Variants in SLC2A9 observed in about 807,000 individuals in gnomAD.
SLC2A9 encodes the protein solute carrier family 2, facilitated glucose transporter member 9.
In SLC2A9, 39 loss-of-function variants were observed where a neutral mutation model predicts 50.6. That is an observed-to-expected ratio of 0.77 (90% CI 0.60 to 1.01). SLC2A9 has a LOEUF of 1.01. Among genes scored for constraint, SLC2A9 ranks in the 50% least tolerant of loss-of-function variants. The pLI, the probability that SLC2A9 is intolerant of heterozygous loss-of-function variation, is 0.00. For synonymous variants in SLC2A9, 324 were observed against 276.9 expected (o/e 1.17, Z -1.69); for missense variants, 686 against 677.6 (o/e 1.01, Z -0.14).
chr4:9,783,321 AG>A, intron 3 of SLC2A9: 1 of 1,614,188 alleles, frequency 6.2e-7, no homozygotes, highest in Non-Finnish European at 8.5e-7. Flanking sequence ...GACGAGGAGG[AG>A]GGTCCTTTCG....
intron 2 of SLC2A9, among the ~76,000 whole-genome samples, chr4:10,008,589 A>T (rs886939656): frequency 6.6e-6 from 1 of 152,248 alleles, no homozygotes; most frequent in African/African-American, 2.4e-5. Flanking sequence ...GGTGCTTACA[A>T]ATAAATAGTA....
exon 2 of SLC2A9, chr4:9,771,303 T>A (rs868033408): frequency 1.0e-5 from 4 of 389,060 alleles, no homozygotes; most frequent in East Asian, 7.3e-5. Flanking sequence ...GGGAGTTTCC[T>A]TCACCTGGTG....
chr4:9,784,312 A>G (rs1718928010), intron 3 of SLC2A9, among the ~76,000 whole-genome samples: 1 of 152,186 alleles, frequency 6.6e-6, no homozygotes, highest in Admixed American at 6.5e-5. Flanking sequence ...TCTTTTTTGA[A>G]GTAACATAAG....
chr4:10,020,471 G>A lies in SLC2A9; in HGVS notation c.150+809C>T, dbSNP rs1763370416. ...TGCTGATCACATGCGGGGGCAAGAG[G>A]GAACATTTATAAGCCTTGGGGATGG... On this transcript the variant is annotated intron_variant, in intron 1 of 11. Coordinates refer to ENST00000264784, the MANE Select transcript of SLC2A9 (RefSeq NM_020041.3). Among the ~76,000 whole-genome samples, 5 of 152,148 alleles carry A rather than the reference G, an allele frequency of 3.3e-5. No individual in the cohort carries two copies. In the South Asian group the frequency reaches 8.3e-4, roughly 25 times the overall value.
At chr4:9,977,226 C>G (rs1754949817) in intron 5 of SLC2A9, among the ~76,000 whole-genome samples, 1 of 152,210 alleles carries the variant, frequency 6.6e-6, no homozygotes, top group Non-Finnish European at 1.5e-5. Context: ...CAGTCCCCAT[C>G]AAGGTGTGTG....
Position 9,897,371 on chromosome 4 carries a change from T to C in SLC2A9, c.1114-6660A>G, listed in dbSNP as rs78716626. On this transcript the variant is annotated intron_variant, in intron 8 of 11. Coordinates refer to ENST00000264784, the MANE Select transcript of SLC2A9 (RefSeq NM_020041.3). Reference sequence around the variant, plus strand: ...CCCTTGGGGAGCTTTATGGGCTGAATTGCATTCTCTCAAAAAAGGAAATAT... The same window carrying C: ...CCCTTGGGGAGCTTTATGGGCTGAACTGCATTCTCTCAAAAAAGGAAATAT... Among the ~76,000 whole-genome samples the C allele has an allele frequency of 8.2e-3, 1,252 of 152,250 alleles. 15 individuals carry two copies. The highest frequency in any genetic ancestry group is 0.029 in the African/African-American group (1,208 of 41,534).
chr4:9,898,718 G>C (rs576333810), intron 8 of SLC2A9, among the ~76,000 whole-genome samples: 1 of 152,314 alleles, frequency 6.6e-6, no homozygotes, highest in African/African-American at 2.4e-5. Context: ...TCTGTGGGCC[G>C]TGTGGACTGA....
intron 5 of SLC2A9, among the ~76,000 whole-genome samples, chr4:9,968,175 C>T (rs899937034): frequency 6.6e-6 from 1 of 152,054 alleles, no homozygotes; most frequent in Non-Finnish European, 1.5e-5. Flanking sequence ...TTTAATTTAA[C>T]TAGTTTTTAG....
chr4:9,832,271 G>C lies in SLC2A9; in HGVS notation c.1419+2610C>G, dbSNP rs372599428. 7.9e-5 allele frequency among the ~76,000 whole-genome samples: 12 copies of C among 152,214 alleles called. No homozygotes were observed. In the East Asian group the frequency reaches 2.1e-3, roughly 27 times the overall value. On this transcript the variant is annotated intron_variant, in intron 11 of 11. Transcript: ENST00000264784. ...GGCTGGGGTTGGGGGATGTGACTCAGAACTTGTTAGCCCTGTATTTCTCTA... is the reference window on the plus strand; with the variant it reads ...GGCTGGGGTTGGGGGATGTGACTCACAACTTGTTAGCCCTGTATTTCTCTA...
downstream of SLC2A9, among the ~76,000 whole-genome samples, chr4:9,795,965 CAGGTTGT>C (rs1421372716): frequency 1.3e-5 from 2 of 152,164 alleles, no homozygotes; most frequent in Non-Finnish European, 2.9e-5. Context: ...CCAACAAATC[CAGGTTGT>C]AGGTACAAGT....
intron 7 of SLC2A9, among the ~76,000 whole-genome samples, chr4:9,912,302 AAAAAG>A (rs1158393948): frequency 1.3e-5 from 2 of 152,184 alleles, no homozygotes; most frequent in Non-Finnish European, 2.9e-5. Flanking sequence ...ATAATAAAAA[AAAAAG>A]AAAAGAAGAG....
chr4:9,872,180 G>A (rs964444162), intron 10 of SLC2A9, among the ~76,000 whole-genome samples: 2 of 152,154 alleles, frequency 1.3e-5, no homozygotes, highest in African/African-American at 4.8e-5. Context: ...ACTGAGGCCA[G>A]AGAGGGACAG....
chr4:9,815,769 A>G (rs1048733026), intron 3 of SLC2A9, among the ~76,000 whole-genome samples: 2 of 152,236 alleles, frequency 1.3e-5, no homozygotes, highest in Admixed American at 6.5e-5. Flanking sequence ...GTCCTTCAAA[A>G]TGTCTATAAA....
At chr4:9,796,240 C>T (rs1156279630), downstream of SLC2A9, among the ~76,000 whole-genome samples, 1 of 152,126 alleles carries the variant, frequency 6.6e-6, no homozygotes, top group African/African-American at 2.4e-5. Flanking sequence ...TCATGAACAT[C>T]GACACTCATT....
At chr4:9,956,835 G>T (rs533827377) in intron 5 of SLC2A9, among the ~76,000 whole-genome samples, 70 of 152,214 alleles carry the variant, frequency 4.6e-4, no homozygotes, top group African/African-American at 1.3e-3. Flanking sequence ...CTTAAACGTG[G>T]CAGTACAGAC....
chr4:9,940,551 A>G (rs1352977632), intron 6 of SLC2A9, among the ~76,000 whole-genome samples: 1 of 152,188 alleles, frequency 6.6e-6, no homozygotes, highest in African/African-American at 2.4e-5. Flanking sequence ...TGAAGAAAAC[A>G]CTATCATTTC....
chr4:9,777,671 C>G (rs1408284773), downstream of SLC2A9, among the ~76,000 whole-genome samples: 1 of 152,162 alleles, frequency 6.6e-6, no homozygotes, highest in Non-Finnish European at 1.5e-5. Flanking sequence ...GTCAAGCACC[C>G]ACTCACTGTG....
intron 3 of SLC2A9, among the ~76,000 whole-genome samples, chr4:9,785,322 G>T (rs1311693518): frequency 1.3e-5 from 2 of 152,124 alleles, no homozygotes; most frequent in African/African-American, 4.8e-5. Context: ...GCAAACCCAG[G>T]TTCAACACCT....
At chr4:9,785,171 T>C (rs1269789042) in intron 3 of SLC2A9, among the ~76,000 whole-genome samples, 1 of 152,200 alleles carries the variant, frequency 6.6e-6, no homozygotes, top group Non-Finnish European at 1.5e-5. Context: ...TCGCATGACC[T>C]TGAGTGAGTC....
Sources: gnomAD v4.1 joint callset for allele counts (sites outside exome capture counted in the v4.1 genomes callset) on GRCh38, gnomAD v4.1.1 for gene constraint, MANE v1.5 for transcripts, NCBI Gene and HGNC (gene_info 2026-07-23, HGNC 2026-07-21) for gene names.